PHLPP1: variants seen among roughly 807,000 people sequenced by gnomAD.
PHLPP1 encodes PH domain leucine-rich repeat-containing protein phosphatase 1.
Under a neutral mutation model 117.2 loss-of-function variants are expected in PHLPP1, and 42 were observed. The observed-to-expected ratio is 0.36, with a 90% CI of 0.28 to 0.46. PHLPP1 has a LOEUF of 0.46. PHLPP1 is among the 20% of genes least tolerant of loss of function. The pLI is 1.00. For synonymous variants in PHLPP1, 1,042 were observed against 970.7 expected (o/e 1.07, Z -1.37); for missense variants, 2,084 against 2,241.9 (o/e 0.93, Z 1.42).
rs1491446982 is a variant in PHLPP1, at chr18:62,766,102, T to TATATATATATATAA, written c.1576+48844_1576+48845insTATATATATATAAA. Among the ~76,000 whole-genome samples the TATATATATATATAA allele has an allele frequency of 4.9e-4, 30 of 60,692 alleles. 2 individuals are homozygous for TATATATATATATAA. Among genetic ancestry groups the TATATATATATATAA allele is most frequent in the African/African-American group, 1.0e-3 (20 of 19,260 alleles). 39.8% of individuals were successfully genotyped at this position (60,692 alleles called of 152,430 possible). A position where few individuals can be genotyped will look rare whatever the true frequency, so the allele number is the denominator to read the frequency against. On this transcript the variant is annotated intron_variant, in intron 1 of 16. Coordinates refer to ENST00000262719, the MANE Select transcript of PHLPP1 (RefSeq NM_194449.4). ...ATATATATATATATATATATATATA[T>TATATATATATATAA]AAAATATATATATATTTGTACAGAA...
chr18:62,809,470 G>C (rs943344693), intron 1 of PHLPP1, among the ~76,000 whole-genome samples: 2 of 152,200 alleles, frequency 1.3e-5, no homozygotes, highest in African/African-American at 4.8e-5. Flanking sequence ...GGAGGCCGAG[G>C]TAGGTGGATC....
intron 8 of PHLPP1, chr18:62,906,365 G>C (rs924209130): frequency 6.6e-6 from 1 of 151,970 alleles, no homozygotes; most frequent in Non-Finnish European, 1.5e-5. Flanking sequence ...CGCAGAAGAC[G>C]GGTGATTTCT....
At chr18:62,863,448 C>T (rs969359653) in intron 4 of PHLPP1, among the ~76,000 whole-genome samples, 2 of 152,152 alleles carry the variant, frequency 1.3e-5, no homozygotes, top group Non-Finnish European at 2.9e-5. Flanking sequence ...AGTGATCCAC[C>T]CACCTCGGCC....
At chr18:62,770,605 C>A (rs192025645) in intron 1 of PHLPP1, among the ~76,000 whole-genome samples, 3 of 152,108 alleles carry the variant, frequency 2.0e-5, no homozygotes, top group Admixed American at 6.6e-5. Flanking sequence ...GGTGATGCAT[C>A]GGTTCTTGAA....
At chr18:62,898,726 A>G (rs1038676797) in intron 6 of PHLPP1, among the ~76,000 whole-genome samples, 5 of 152,226 alleles carry the variant, frequency 3.3e-5, no homozygotes, top group African/African-American at 9.6e-5. Context: ...CATTGCCACA[A>G]TATCCAACTG....
intron 4 of PHLPP1, among the ~76,000 whole-genome samples, chr18:62,873,805 C>A (rs1276053376): frequency 6.6e-6 from 1 of 152,098 alleles, no homozygotes; most frequent in Non-Finnish European, 1.5e-5. Context: ...TTTCTGGTTA[C>A]AACACCACGA....
intron 10 of PHLPP1, 75 bp from the exon 11 acceptor site, chr18:62,941,643 G>A: frequency 4.9e-6 from 5 of 1,017,846 alleles, no homozygotes; most frequent in Non-Finnish European, 5.9e-6. Context: ...TAATATGCCT[G>A]GTATCAAAGC....
intron 1 of PHLPP1, among the ~76,000 whole-genome samples, chr18:62,822,379 T>C (rs541137662): frequency 6.6e-6 from 1 of 151,214 alleles, no homozygotes; most frequent in East Asian, 2.0e-4. Context: ...CCTCCCGGGT[T>C]CATGCCATTC....
At chr18:62,760,294 C>G (rs1475545544) in intron 1 of PHLPP1, among the ~76,000 whole-genome samples, 3 of 152,180 alleles carry the variant, frequency 2.0e-5, no homozygotes, top group African/African-American at 7.2e-5. Flanking sequence ...CACATGGTCT[C>G]CTGTTCCCAG....
chr18:62,942,913 AT>A (rs1483974483), intron 11 of PHLPP1, among the ~76,000 whole-genome samples: 2 of 152,114 alleles, frequency 1.3e-5, no homozygotes, highest in African/African-American at 4.8e-5. Flanking sequence ...GTAATGAAAT[AT>A]TTACTTTCCT....
chr18:62,895,180 G>T, intron 5 of PHLPP1, 23 bp downstream of exon 5: 1 of 1,608,322 alleles, frequency 6.2e-7, no homozygotes, highest in Admixed American at 1.7e-5. Context: ...AACCCCACTG[G>T]CGGGTATATC....
intron 1 of PHLPP1, among the ~76,000 whole-genome samples, chr18:62,737,741 G>A (rs901290320): frequency 1.3e-5 from 2 of 152,166 alleles, no homozygotes; most frequent in African/African-American, 4.8e-5. Context: ...TTGAGGATTA[G>A]GAAGAGTAGA....
chr18:62,787,019 A>C (rs975151304), intron 1 of PHLPP1, among the ~76,000 whole-genome samples: 13 of 152,184 alleles, frequency 8.5e-5, no homozygotes, highest in African/African-American at 4.8e-5. Flanking sequence ...TAAAGCGTGC[A>C]TGCATTCATT....
At chr18:62,966,792 A>G (rs942128407) in intron 14 of PHLPP1, among the ~76,000 whole-genome samples, 1 of 152,148 alleles carries the variant, frequency 6.6e-6, no homozygotes, top group Non-Finnish European at 1.5e-5. Flanking sequence ...TGGTAAAAGA[A>G]TATCATCATG....
chr18:62,848,995 T>G (rs568085591), intron 3 of PHLPP1, among the ~76,000 whole-genome samples: 1 of 152,310 alleles, frequency 6.6e-6, no homozygotes, highest in South Asian at 2.1e-4. Context: ...AATAAAGTAC[T>G]TTATATACAG....
chr18:62,716,279 T>G lies in PHLPP1; in HGVS notation c.596T>G (p.Leu199Arg). 1.3e-6 allele frequency: 2 copies of G among 1,530,594 alleles called. No individual in the cohort carries two copies. Among genetic ancestry groups the G allele is most frequent in the Non-Finnish European group, 1.7e-6 (2 of 1,145,008 alleles). The allele number at this position is 1,530,594 out of a possible 1,614,324, so 94.8% of individuals were successfully genotyped here. A position where few individuals can be genotyped will look rare whatever the true frequency, so the allele number is the denominator to read the frequency against. The change falls in exon 1 of 17, where the codon CTC (leucine) becomes CGC (arginine). Residue 199 changes from leucine (L) to arginine (R), a missense_variant. Physicochemically the swap from Leu to Arg is moderately radical, Grantham distance 102 (BLOSUM62 -2). This residue lies in a region of PHLPP1 where 719 missense variants were observed against 636.0 expected (regional missense o/e 1.13). Coordinates refer to ENST00000262719, the MANE Select transcript of PHLPP1 (RefSeq NM_194449.4). The surrounding 1 kb of genome is among the most constrained non-coding windows in gnomAD (Gnocchi z 5.7). ...PSDRDWVRHQ[L>R]QRGCVHVFDR... is the part of the protein sequence containing the mutation. The stretch of plus-strand genomic sequence containing the variant: ...GACCGGGACTGGGTGAGGCACCAGC[T>G]CCAGCGCGGCTGCGTGCACGTCTTC...
At chr18:62,935,941 T>G (rs1462214739) in intron 10 of PHLPP1, among the ~76,000 whole-genome samples, 1 of 152,134 alleles carries the variant, frequency 6.6e-6, no homozygotes, top group Non-Finnish European at 1.5e-5. Context: ...AGGTGGAGGT[T>G]GCAGTGAGCC....
chr18:62,936,996 A>G (rs1208932318), intron 10 of PHLPP1, among the ~76,000 whole-genome samples: 1 of 152,222 alleles, frequency 6.6e-6, no homozygotes, highest in Non-Finnish European at 1.5e-5. Flanking sequence ...AGTTGTGACT[A>G]TGTAGAGTTT....
chr18:62,719,512 C>G (rs1454251629), intron 1 of PHLPP1, among the ~76,000 whole-genome samples: 3 of 152,126 alleles, frequency 2.0e-5, no homozygotes, highest in Non-Finnish European at 2.9e-5. Context: ...GAAGTGATTC[C>G]TAGAAATGAT....
Sources: allele counts gnomAD v4.1 joint callset (sites outside exome capture counted in the v4.1 genomes callset), GRCh38; gene constraint gnomAD v4.1.1; regional missense constraint gnomAD v4.1.1; non-coding constraint Gnocchi (gnomAD v3.1); transcripts MANE v1.5; gene names NCBI Gene and HGNC (gene_info 2026-07-23, HGNC 2026-07-21).